Variants in ADD3 observed in about 807,000 individuals in gnomAD.
ADD3 encodes gamma-adducin.
In ADD3, 25 loss-of-function variants were observed where a neutral mutation model predicts 80.2. The ratio of observed to expected loss-of-function variants is 0.31; its 90% CI spans 0.23 to 0.44. ADD3 has a LOEUF of 0.44. ADD3 is among the 20% of genes least tolerant of loss of function. ADD3 has a pLI of 1.00. For synonymous variants in ADD3, 284 were observed against 289.6 expected (o/e 0.98, Z 0.20); for missense variants, 829 against 847.5 (o/e 0.98, Z 0.27).
chr10:109,999,828 CAT>C (rs538049793), intron 1 of ADD3, among the ~76,000 whole-genome samples: 383 of 151,776 alleles, frequency 2.5e-3, no homozygotes, highest in Non-Finnish European at 3.9e-3. Context: ...TTTATTATGT[CAT>C]ATGAAATAAT....
At chr10:110,022,021 C>T (rs1253593080) in intron 1 of ADD3, among the ~76,000 whole-genome samples, 5 of 152,104 alleles carry the variant, frequency 3.3e-5, no homozygotes, top group Non-Finnish European at 4.4e-5. Flanking sequence ...CAAGAATTAC[C>T]GCACTCAACC....
intron 1 of ADD3, among the ~76,000 whole-genome samples, chr10:110,025,927 G>GAA (rs768631440): frequency 2.7e-5 from 4 of 149,048 alleles, no homozygotes; most frequent in Non-Finnish European, 6.0e-5. Context: ...CCTTAAAAAA[G>GAA]AAAAAAAAAA....
At chr10:110,032,064 A>G (rs1855105662) in intron 1 of ADD3, among the ~76,000 whole-genome samples, 1 of 152,210 alleles carries the variant, frequency 6.6e-6, no homozygotes, top group Admixed American at 6.5e-5. Flanking sequence ...TCAGGAAGAG[A>G]TACAAGAAGA....
chr10:110,004,407 G>A (rs1013273955), upstream of ADD3, among the ~76,000 whole-genome samples: 1 of 152,024 alleles, frequency 6.6e-6, no homozygotes, highest in Non-Finnish European at 1.5e-5. Flanking sequence ...GGTGGCATGC[G>A]CCTGTAGTCC....
chr10:110,085,543 G>A (rs1346341540), intron 1 of ADD3, among the ~76,000 whole-genome samples: 1 of 152,094 alleles, frequency 6.6e-6, no homozygotes, highest in African/African-American at 2.4e-5. Context: ...TTTGGCAAAG[G>A]GTGGTAATTG....
At chr10:110,053,384 A>G (rs558279120) in intron 1 of ADD3, among the ~76,000 whole-genome samples, 1 of 151,916 alleles carries the variant, frequency 6.6e-6, no homozygotes, top group Non-Finnish European at 1.5e-5. Context: ...CTTTTTGGTT[A>G]TAACTGTTAG....
At chr10:110,044,849 A>G (rs1856750173) in intron 1 of ADD3, among the ~76,000 whole-genome samples, 2 of 152,330 alleles carry the variant, frequency 1.3e-5, no homozygotes, top group South Asian at 4.1e-4. Flanking sequence ...ACTCATAGTA[A>G]AACTATGTGT....
intron 1 of ADD3, among the ~76,000 whole-genome samples, chr10:110,067,258 G>A (rs1286438834): frequency 6.6e-6 from 1 of 152,158 alleles, no homozygotes; most frequent in African/African-American, 2.4e-5. Context: ...ATCAAATAAA[G>A]TAATTTGCAC....
intron 1 of ADD3, among the ~76,000 whole-genome samples, chr10:110,065,991 TCTG>T (rs1294227789): frequency 6.6e-6 from 1 of 152,310 alleles, no homozygotes; most frequent in South Asian, 2.1e-4. Flanking sequence ...GTCCTTAAAA[TCTG>T]CTGGTCTTTA....
At chr10:110,133,258 G>C in intron 14 of ADD3, 68 bp from the exon 15 acceptor site, 1 of 1,470,708 alleles carries the variant, frequency 6.8e-7, no homozygotes, top group Non-Finnish European at 9.1e-7. Flanking sequence ...AAACATTTCA[G>C]TTTTGTAAAG....
intron 1 of ADD3, among the ~76,000 whole-genome samples, chr10:110,022,281 T>C (rs1052130731): frequency 6.6e-6 from 1 of 152,150 alleles, no homozygotes; most frequent in Non-Finnish European, 1.5e-5. Flanking sequence ...GATGGTCTAC[T>C]TTTTTCTCCA....
intron 1 of ADD3, among the ~76,000 whole-genome samples, chr10:110,088,320 A>G (rs964744386): frequency 6.6e-6 from 1 of 152,208 alleles, no homozygotes; most frequent in Non-Finnish European, 1.5e-5. Flanking sequence ...GTTTTTGACA[A>G]ATCCGTTTTG....
intron 1 of ADD3, among the ~76,000 whole-genome samples, chr10:110,024,546 G>A (rs1441636641): frequency 1.3e-5 from 2 of 152,166 alleles, no homozygotes; most frequent in Admixed American, 1.3e-4. Flanking sequence ...TTAACACAGG[G>A]CTTTATATTG....
In ADD3 at chr10:110,073,836, G is replaced by A. The variant is rs546140566; in HGVS notation, c.-29-26789G>A. Among the ~76,000 whole-genome samples the A allele has an allele frequency of 2.0e-5, 3 of 152,248 alleles. No homozygotes were observed. The East Asian group carries it at 5.8e-4, about 29-fold the overall frequency. On this transcript the variant is annotated intron_variant, in intron 1 of 14. Transcript: ENST00000356080. ...TTGGAATACAAAGGTGCTCCCAACT[G>A]AGTAGAGGAACCCATGGAAGCAGCC...
Position 110,119,361 on chromosome 10 carries a change from A to G in ADD3, c.861+7A>G, listed in dbSNP as rs2134122437. The G allele has an allele frequency of 1.2e-6, 2 of 1,613,964 alleles. No individual in the cohort carries two copies. Among genetic ancestry groups the G allele is most frequent in the South Asian group, 1.1e-5 (1 of 91,062 alleles). The stretch of plus-strand genomic sequence containing the variant: ...TCTGGGACCAAGTTGTAAGGTATGT[A>G]GTAGAGTTTGTCTAAGGAGCTATTT... On this transcript the variant is annotated splice_region_variant and intron_variant, in intron 7 of 14. Coordinates refer to ENST00000356080, the MANE Select transcript of ADD3 (RefSeq NM_016824.5).
chr10:110,122,473 T>G (rs956997523), intron 9 of ADD3, among the ~76,000 whole-genome samples, 181 bp downstream of exon 9: 1 of 152,164 alleles, frequency 6.6e-6, no homozygotes, highest in Non-Finnish European at 1.5e-5. Context: ...ATGTCGTGTT[T>G]TTTTTTTAAG....
At chr10:110,040,416 T>G (rs1856163850) in intron 1 of ADD3, among the ~76,000 whole-genome samples, 1 of 152,142 alleles carries the variant, frequency 6.6e-6, no homozygotes, top group Non-Finnish European at 1.5e-5. Flanking sequence ...CAGCACAAAT[T>G]TAGTTTGGCC....
At chr10:110,053,981 G>A (rs1432918206) in intron 1 of ADD3, among the ~76,000 whole-genome samples, 1 of 152,168 alleles carries the variant, frequency 6.6e-6, no homozygotes, top group Non-Finnish European at 1.5e-5. Flanking sequence ...TGGGAGATGT[G>A]TATGCCATAA....
chr10:110,050,245 C>A (rs1385510274), intron 1 of ADD3, among the ~76,000 whole-genome samples: 1 of 152,122 alleles, frequency 6.6e-6, no homozygotes, highest in South Asian at 2.1e-4. Context: ...CCACCCACAT[C>A]TCATCTTGAA....
Sources: gnomAD v4.1 joint callset for allele counts (sites outside exome capture counted in the v4.1 genomes callset) on GRCh38, gnomAD v4.1.1 for gene constraint, MANE v1.5 for transcripts, NCBI Gene and HGNC (gene_info 2026-07-23, HGNC 2026-07-21) for gene names.